The following HECW2 variants were observed in gnomAD, a reference collection of about 807,000 sequenced individuals.
HECW2 encodes the protein E3 ubiquitin-protein ligase HECW2.
HECW2 carries 61 observed loss-of-function variants against 175.2 expected under a neutral mutation model. The ratio of observed to expected loss-of-function variants is 0.35; its 90% CI spans 0.28 to 0.43. HECW2 has a LOEUF of 0.43. HECW2 is among the 20% of genes least tolerant of loss of function. HECW2 has a pLI of 1.00. For synonymous variants in HECW2, 671 were observed against 731.0 expected (o/e 0.92, Z 1.32); for missense variants, 1,524 against 2,000.5 (o/e 0.76, Z 4.54).
intron 1 of HECW2, among the ~76,000 whole-genome samples, chr2:196,502,739 G>A (rs1235435950): frequency 6.6e-6 from 1 of 152,050 alleles, no homozygotes; most frequent in African/African-American, 2.4e-5. Context: ...GGACGGTCCC[G>A]CCCAATGGAG....
intron 28 of HECW2, 112 bp downstream of exon 28, chr2:196,215,753 T>A: frequency 1.4e-6 from 1 of 723,152 alleles, no homozygotes; most frequent in Non-Finnish European, 2.2e-6. Flanking sequence ...TTCTAAGAGC[T>A]TTTCCGCTCT....
At chr2:196,308,652 T>C (rs1017512165) in intron 10 of HECW2, among the ~76,000 whole-genome samples, 19 of 152,254 alleles carry the variant, frequency 1.2e-4, no homozygotes, top group African/African-American at 4.6e-4. Context: ...GATGACTACA[T>C]TTTCAGAGCA....
At chr2:196,484,808 G>A (rs968096271) in intron 1 of HECW2, among the ~76,000 whole-genome samples, 14 of 152,172 alleles carry the variant, frequency 9.2e-5, no homozygotes, top group African/African-American at 3.1e-4. Flanking sequence ...AGAGGACTCC[G>A]AATGTACAGG....
chr2:196,347,432 G>C (rs146982934), intron 2 of HECW2, among the ~76,000 whole-genome samples: 1 of 151,934 alleles, frequency 6.6e-6, no homozygotes, highest in South Asian at 2.1e-4. Flanking sequence ...GGCTGGTCTC[G>C]AACTCCTGAC....
Position 196,334,597 on chromosome 2 carries a change from C to A in HECW2, c.401-79G>T, listed in dbSNP as rs1301361245. On this transcript the variant is annotated intron_variant, in intron 3 of 28. Transcript: ENST00000644978. ...GAATCAGCTGTGGAAATCCACCATA[C>A]CACCTCTCAGGGAATCCTACTCATG... The A allele has an allele frequency of 8.0e-6, 9 of 1,128,410 alleles. No homozygotes were observed. In the Admixed American group the frequency reaches 1.8e-4, roughly 23 times the overall value. The allele number at this position is 1,128,410 out of a possible 1,614,324, so 69.9% of individuals were successfully genotyped here. A position where few individuals can be genotyped will look rare whatever the true frequency, so the allele number is the denominator to read the frequency against.
chr2:196,467,518 C>T (rs547005239), intron 1 of HECW2, among the ~76,000 whole-genome samples: 4 of 152,280 alleles, frequency 2.6e-5, no homozygotes, highest in African/African-American at 9.6e-5. Context: ...CTATGATGCG[C>T]TTACAGTCAT....
chr2:196,586,144 A>T (rs1334532832), intron 1 of HECW2, among the ~76,000 whole-genome samples: 3 of 152,182 alleles, frequency 2.0e-5, no homozygotes, highest in Non-Finnish European at 4.4e-5. Flanking sequence ...TATGATATAA[A>T]TGGCTGTCTA....
chr2:196,267,046 G>A lies in HECW2; in HGVS notation c.3335+4147C>T, dbSNP rs116577115. ...TACCCAGAATGAAAAAATTATCACA[G>A]ATCATGTCCTCATGGTGAGGGGAGT... On this transcript the variant is annotated intron_variant, in intron 17 of 28. Transcript: ENST00000644978. Among the ~76,000 whole-genome samples the A allele has an allele frequency of 9.9e-3, 1,508 of 152,222 alleles. 20 individuals carry two copies. Among genetic ancestry groups the A allele is most frequent in the African/African-American group, 0.034 (1,399 of 41,514 alleles).
At chr2:196,392,012 T>C (rs761324147) in intron 2 of HECW2, among the ~76,000 whole-genome samples, 2 of 152,186 alleles carry the variant, frequency 1.3e-5, no homozygotes, top group Non-Finnish European at 2.9e-5. Context: ...AGTATGACCT[T>C]ATCTTCACTA....
At chr2:196,436,117 C>T (rs1300386549) in intron 1 of HECW2, among the ~76,000 whole-genome samples, 1 of 152,096 alleles carries the variant, frequency 6.6e-6, no homozygotes, top group East Asian at 1.9e-4. Context: ...CCCTGGTCTT[C>T]GAGCCGGGCC....
chr2:196,376,341 A>G (rs1456966298), intron 2 of HECW2, among the ~76,000 whole-genome samples: 1 of 152,234 alleles, frequency 6.6e-6, no homozygotes, highest in Non-Finnish European at 1.5e-5. Flanking sequence ...AAATTAAAAT[A>G]GATTTTCGGC....
intron 3 of HECW2, among the ~76,000 whole-genome samples, chr2:196,342,474 T>C (rs967518434): frequency 6.6e-6 from 1 of 151,526 alleles, no homozygotes; most frequent in Non-Finnish European, 1.5e-5. Context: ...CTGGACCAAC[T>C]AGTAAAGCAT....
At chr2:196,562,424 G>C (rs1275457893) in intron 1 of HECW2, among the ~76,000 whole-genome samples, 2 of 138,836 alleles carry the variant, frequency 1.4e-5, no homozygotes, top group Admixed American at 6.8e-5. Flanking sequence ...CTCCCTGTAT[G>C]AGTTATTTAT....
chr2:196,384,265 C>T (rs941003332), intron 2 of HECW2, among the ~76,000 whole-genome samples: 2 of 151,980 alleles, frequency 1.3e-5, no homozygotes, highest in African/African-American at 4.8e-5. Flanking sequence ...AGGCTTGATC[C>T]CAGCTCTCAC....
At chr2:196,238,534 G>A (rs898702956) in intron 21 of HECW2, 3 of 151,562 alleles carry the variant, frequency 2.0e-5, no homozygotes, top group African/African-American at 4.9e-5. Context: ...ATGTATCCTC[G>A]GTACCTCAAT....
At chr2:196,322,287 A>T (rs2105768094) in intron 7 of HECW2, among the ~76,000 whole-genome samples, 191 bp downstream of exon 7, 1 of 152,366 alleles carries the variant, frequency 6.6e-6, no homozygotes, top group South Asian at 2.1e-4. Context: ...AGACGCAAAA[A>T]ACATATATAA....
intron 1 of HECW2, among the ~76,000 whole-genome samples, chr2:196,460,319 G>A (rs1038230890): frequency 5.9e-5 from 9 of 151,898 alleles, no homozygotes; most frequent in African/African-American, 1.9e-4. Flanking sequence ...ATTTTTATTC[G>A]ACTTTCCTCC....
At chr2:196,433,108 G>C (rs1386579579) in intron 2 of HECW2, 24 bp downstream of exon 2, 7 of 1,577,048 alleles carry the variant, frequency 4.4e-6, no homozygotes, top group Non-Finnish European at 6.0e-6. Flanking sequence ...TGAGTCACAT[G>C]CAAGTCCATT....
At position 196,201,258 on chromosome 2, in the gene HECW2, T is replaced by A. The variant is rs1273960790; in HGVS notation, c.*19A>T. 1.3e-6 allele frequency: 2 copies of A among 1,494,636 alleles called. No individual in the cohort carries two copies. The highest frequency in any genetic ancestry group is 3.3e-5 in the Admixed American group (2 of 59,810). The allele number at this position is 1,494,636 out of a possible 1,614,324, so 92.6% of individuals were successfully genotyped here. ...TTCTGAACCTGCCTGTCCACAGAGA[T>A]GGGCATTCAGCTTCCAGGTCACTCA... On this transcript the variant is annotated 3_prime_UTR_variant, in exon 29 of 29. Coordinates refer to ENST00000644978, the MANE Select transcript of HECW2 (RefSeq NM_001348768.2).
Sources: gnomAD v4.1 joint callset for allele counts (sites outside exome capture counted in the v4.1 genomes callset) on GRCh38, gnomAD v4.1.1 for gene constraint, MANE v1.5 for transcripts, NCBI Gene and HGNC (gene_info 2026-07-23, HGNC 2026-07-21) for gene names.